AMOTL1: variants seen among roughly 807,000 people sequenced by gnomAD.
AMOTL1 encodes angiomotin-like protein 1.
AMOTL1 carries 45 observed loss-of-function variants against 102.9 expected under a neutral mutation model. The observed-to-expected ratio is 0.44, with a 90% CI of 0.34 to 0.56. The LOEUF (loss-of-function observed/expected upper bound fraction) is 0.56, where lower values mean the gene tolerates loss of function less well. Ranked by LOEUF, AMOTL1 falls within the 20% of genes least tolerant of loss-of-function variation. AMOTL1 has a pLI of 0.01. For missense variants in AMOTL1, 1,114 were observed against 1,225.6 expected (o/e 0.91, Z 1.36); for synonymous variants, 481 against 484.7 (o/e 0.99, Z 0.10).
chr11:94,709,555 G>A (rs376237841), intron 1 of AMOTL1, among the ~76,000 whole-genome samples: 1 of 152,152 alleles, frequency 6.6e-6, no homozygotes. Flanking sequence ...CTGTGAGAAA[G>A]TCCAAGTTGG....
chr11:94,853,205 C>T (rs1952583045), intron 7 of AMOTL1, among the ~76,000 whole-genome samples: 1 of 151,710 alleles, frequency 6.6e-6, no homozygotes, highest in South Asian at 2.1e-4. Context: ...CATAGGTCTA[C>T]ATGTGCCATG....
chr11:94,854,197 A>C, intron 8 of AMOTL1, 115 bp downstream of exon 8: 2 of 1,324,196 alleles, frequency 1.5e-6, no homozygotes, highest in South Asian at 3.3e-5. Flanking sequence ...AGAGGGAAAC[A>C]AGAACTCCCT....
At chr11:94,783,386 C>T (rs1951138365) in intron 1 of AMOTL1, among the ~76,000 whole-genome samples, 2 of 152,186 alleles carry the variant, frequency 1.3e-5, no homozygotes, top group South Asian at 2.1e-4. Flanking sequence ...TATTTTCCAG[C>T]ATGTTTCCCT....
chr11:94,719,470 G>T (rs1950143737), intron 1 of AMOTL1, among the ~76,000 whole-genome samples: 1 of 151,946 alleles, frequency 6.6e-6, no homozygotes, highest in African/African-American at 2.4e-5. Context: ...ATGTATGCAT[G>T]TTACAAAATT....
intron 3 of AMOTL1, among the ~76,000 whole-genome samples, chr11:94,808,222 G>T (rs1951600332): frequency 6.6e-6 from 1 of 150,416 alleles, no homozygotes; most frequent in Non-Finnish European, 1.5e-5. Flanking sequence ...ACATGTGATT[G>T]CTTCCTCTGC....
chr11:94,818,904 C>T (rs975978838), intron 3 of AMOTL1, among the ~76,000 whole-genome samples: 4 of 152,162 alleles, frequency 2.6e-5, no homozygotes, highest in African/African-American at 9.7e-5. Flanking sequence ...AACTTATTTA[C>T]ATATATAAAC....
chr11:94,806,876 GA>G (rs1259438822), intron 3 of AMOTL1, among the ~76,000 whole-genome samples: 2 of 152,126 alleles, frequency 1.3e-5, no homozygotes, highest in East Asian at 3.9e-4. Context: ...GTGTCTACAT[GA>G]CCAAAGGGGT....
intron 2 of AMOTL1, among the ~76,000 whole-genome samples, chr11:94,729,877 A>G (rs1950318941): frequency 6.6e-6 from 1 of 152,216 alleles, no homozygotes; most frequent in African/African-American, 2.4e-5. Context: ...CATAGAGAAC[A>G]ACAGACTATA....
intron 3 of AMOTL1, among the ~76,000 whole-genome samples, chr11:94,815,870 C>G (rs1951756605): frequency 6.6e-6 from 1 of 151,708 alleles, no homozygotes; most frequent in Admixed American, 6.6e-5. Flanking sequence ...CAGGACAAAC[C>G]AGAAAGTCCA....
chr11:94,732,828 C>T (rs549556481), intron 2 of AMOTL1, among the ~76,000 whole-genome samples: 19 of 152,320 alleles, frequency 1.2e-4, no homozygotes, highest in African/African-American at 3.4e-4. Flanking sequence ...CTGGGAAACA[C>T]GGCCTGGCAG....
At chr11:94,794,174 A>G (rs923966070) in intron 1 of AMOTL1, among the ~76,000 whole-genome samples, 62 of 152,234 alleles carry the variant, frequency 4.1e-4, no homozygotes, top group African/African-American at 1.4e-3. Flanking sequence ...AAAAAGTACT[A>G]TGATTCTTTC....
At chr11:94,753,505 T>G (rs1172655019) in intron 3 of AMOTL1, among the ~76,000 whole-genome samples, 1 of 152,226 alleles carries the variant, frequency 6.6e-6, no homozygotes, top group Non-Finnish European at 1.5e-5. Flanking sequence ...TTGAGTGCTT[T>G]TCATGTGTTA....
intron 1 of AMOTL1, among the ~76,000 whole-genome samples, chr11:94,711,797 TA>T (rs1286501807): frequency 3.9e-5 from 6 of 152,270 alleles, no homozygotes; most frequent in African/African-American, 1.4e-4. Flanking sequence ...TTGTATTGAA[TA>T]GTATGGATGT....
chr11:94,816,701 C>A (rs1033627280), intron 3 of AMOTL1, among the ~76,000 whole-genome samples: 1 of 152,058 alleles, frequency 6.6e-6, no homozygotes, highest in Non-Finnish European at 1.5e-5. Context: ...AGAGCTTTGA[C>A]TTCTGGGGCT....
At chr11:94,773,085 T>G (rs147357625) in intron 1 of AMOTL1, among the ~76,000 whole-genome samples, 1 of 152,372 alleles carries the variant, frequency 6.6e-6, no homozygotes, top group East Asian at 1.9e-4. Flanking sequence ...TTTAGAGCTT[T>G]AAGAGTTCTT....
intron 3 of AMOTL1, among the ~76,000 whole-genome samples, chr11:94,753,274 A>T (rs1950679040): frequency 6.7e-6 from 1 of 150,194 alleles, no homozygotes; most frequent in Admixed American, 6.6e-5. Flanking sequence ...CTAGCATCTA[A>T]TAAATATTAT....
At chr11:94,855,330 A>G (rs1232631166) in intron 8 of AMOTL1, among the ~76,000 whole-genome samples, 3 of 152,192 alleles carry the variant, frequency 2.0e-5, no homozygotes, top group African/African-American at 7.2e-5. Flanking sequence ...TCCGCCTCCC[A>G]CTGTCTTGGC....
chr11:94,734,638 A>G (rs193195618), intron 2 of AMOTL1, among the ~76,000 whole-genome samples: 1 of 152,312 alleles, frequency 6.6e-6, no homozygotes, highest in Non-Finnish European at 1.5e-5. Context: ...CCTCTAAATC[A>G]GTCCTGCCCA....
At chr11:94,788,222 A>G (rs75291376) in intron 1 of AMOTL1, among the ~76,000 whole-genome samples, 58 of 152,318 alleles carry the variant, frequency 3.8e-4, no homozygotes, top group Non-Finnish European at 7.1e-4. Flanking sequence ...TTAGGTGACT[A>G]TCAGGAAGGG....
Sources: gnomAD v4.1 joint callset for allele counts (sites outside exome capture counted in the v4.1 genomes callset) on GRCh38, gnomAD v4.1.1 for gene constraint, MANE v1.5 for transcripts, NCBI Gene and HGNC (gene_info 2026-07-23, HGNC 2026-07-21) for gene names.